Variants in MECOM observed in about 807,000 individuals in gnomAD.
MECOM encodes histone-lysine N-methyltransferase MECOM.
In MECOM, 13 loss-of-function variants were observed where a neutral mutation model predicts 116.3. The ratio of observed to expected loss-of-function variants is 0.11; its 90% CI spans 0.07 to 0.18. The LOEUF (loss-of-function observed/expected upper bound fraction) is 0.18, where lower values mean the gene tolerates loss of function less well. Ranked by LOEUF, MECOM falls within the 10% of genes least tolerant of loss-of-function variation. MECOM has a pLI of 1.00. For missense variants in MECOM, 1,299 were observed against 1,509.0 expected (o/e 0.86, Z 2.31); for synonymous variants, 528 against 535.2 (o/e 0.99, Z 0.19).
At chr3:169,504,034 G>A (rs573260717) in intron 1 of MECOM, among the ~76,000 whole-genome samples, 56 of 151,884 alleles carry the variant, frequency 3.7e-4, no homozygotes, top group African/African-American at 1.2e-3. Context: ...AATCCCACAA[G>A]TTACTAATAG....
intron 2 of MECOM, among the ~76,000 whole-genome samples, chr3:169,157,053 C>T (rs1464491579): frequency 1.3e-5 from 2 of 152,196 alleles, no homozygotes; most frequent in East Asian, 1.9e-4. Flanking sequence ...TGAATTAACT[C>T]ATCCTGAGAA....
In MECOM at chr3:169,311,144, C is replaced by T. The variant is rs369969338; in HGVS notation, c.375+70043G>A. Among the ~76,000 whole-genome samples the T allele has an allele frequency of 4.6e-5, 7 of 152,320 alleles. No individual in the cohort carries two copies. The South Asian group carries it at 1.4e-3, about 32-fold the overall frequency. On this transcript the variant is annotated intron_variant, in intron 2 of 16. Transcript: ENST00000651503. The stretch of plus-strand genomic sequence containing the variant: ...ATTGAGTTCTTGGGCATGTCTAGCA[C>T]ATCAGAGAGCTTTGAGCACCGGATA...
Position 169,585,031 on chromosome 3 carries a change from G to A in MECOM, c.37+78305C>T, listed in dbSNP as rs139544950. ...ACAGATTATCAAGCAAGATGAAATGGGAAAATGGATAGAACATAAAGAAAA... is the reference window on the plus strand; with the variant it reads ...ACAGATTATCAAGCAAGATGAAATGAGAAAATGGATAGAACATAAAGAAAA... On this transcript the variant is annotated intron_variant, in intron 1 of 16. Coordinates refer to ENST00000651503, the MANE Select transcript of MECOM (RefSeq NM_004991.4). Among the ~76,000 whole-genome samples, 838 of 152,260 alleles carry A rather than the reference G, an allele frequency of 5.5e-3. 10 individuals are homozygous for A. Among genetic ancestry groups the A allele is most frequent in the African/African-American group, 0.018 (748 of 41,536 alleles).
chr3:169,102,630 AT>A (rs1329339813), intron 10 of MECOM, among the ~76,000 whole-genome samples: 2 of 152,202 alleles, frequency 1.3e-5, no homozygotes, highest in Non-Finnish European at 2.9e-5. Context: ...TACCTAGGCA[AT>A]GAAAACCGTA....
intron 1 of MECOM, among the ~76,000 whole-genome samples, chr3:169,625,036 A>G (rs1174256935): frequency 1.0e-4 from 4 of 38,280 alleles, no homozygotes; most frequent in Admixed American, 2.3e-4. Context: ...TGTCCTTGGA[A>G]AAAAAAAAAA....
At chr3:169,566,194 C>T (rs912230432) in intron 1 of MECOM, among the ~76,000 whole-genome samples, 14 of 152,132 alleles carry the variant, frequency 9.2e-5, no homozygotes, top group African/African-American at 3.1e-4. Context: ...GCTCCTCCCT[C>T]GACAAGTAGG....
intron 2 of MECOM, among the ~76,000 whole-genome samples, chr3:169,156,922 T>G (rs1006748445): frequency 2.0e-5 from 3 of 152,218 alleles, no homozygotes; most frequent in African/African-American, 7.2e-5. Context: ...TCATGTGTTA[T>G]GCCTGCCCAT....
chr3:169,209,061 C>T (rs1750350250), intron 2 of MECOM, among the ~76,000 whole-genome samples: 1 of 152,094 alleles, frequency 6.6e-6, no homozygotes. Flanking sequence ...AACCATCTGA[C>T]TTCAACAAAC....
chr3:169,116,839 C>A (rs2149083832), intron 7 of MECOM, 100 bp from the exon 8 acceptor site: 1 of 1,436,772 alleles, frequency 7.0e-7, no homozygotes, highest in East Asian at 2.4e-5. Flanking sequence ...AATTAGGAAG[C>A]CAGTAAAAGA....
chr3:169,367,016 C>T (rs866852800), intron 2 of MECOM, among the ~76,000 whole-genome samples: 2 of 152,050 alleles, frequency 1.3e-5, no homozygotes, highest in East Asian at 3.9e-4. Flanking sequence ...GCACTGTGCC[C>T]CCAGGAAGAA....
At chr3:169,363,315 T>C (rs1400977435) in intron 2 of MECOM, among the ~76,000 whole-genome samples, 2 of 151,974 alleles carry the variant, frequency 1.3e-5, no homozygotes, top group Non-Finnish European at 2.9e-5. Context: ...AATATATGCA[T>C]TTAAGGTCAT....
chr3:169,521,473 T>C (rs1757346536), intron 1 of MECOM, among the ~76,000 whole-genome samples: 1 of 152,194 alleles, frequency 6.6e-6, no homozygotes, highest in Non-Finnish European at 1.5e-5. Context: ...ATGTACTTTT[T>C]CATTGGAGGA....
In MECOM at chr3:169,512,102, T is replaced by G. The variant is rs146725424; in HGVS notation, c.38-130578A>C. 8.9e-4 allele frequency among the ~76,000 whole-genome samples: 135 copies of G among 152,334 alleles called. 1 individual carries two copies. The highest frequency in any genetic ancestry group is 7.5e-3 in the East Asian group (39 of 5,176). ...GTGCTAGGTCCAGGTCATTTTCTTA[T>G]CTGGGTCCAGTTAGTTGCAATCTGT... On this transcript the variant is annotated intron_variant, in intron 1 of 16. Coordinates refer to ENST00000651503, the MANE Select transcript of MECOM (RefSeq NM_004991.4).
chr3:169,196,971 A>G (rs1276901797), intron 2 of MECOM, among the ~76,000 whole-genome samples: 3 of 152,094 alleles, frequency 2.0e-5, no homozygotes, highest in Non-Finnish European at 2.9e-5. Flanking sequence ...ACCATGGAAT[A>G]CTATGCAGCC....
chr3:169,366,502 G>C (rs144072020), intron 2 of MECOM, among the ~76,000 whole-genome samples: 11 of 152,078 alleles, frequency 7.2e-5, no homozygotes, highest in African/African-American at 2.4e-4. Flanking sequence ...ATGTTCATCT[G>C]TGATTAGTTT....
chr3:169,249,582 T>A (rs1756002574), intron 2 of MECOM, among the ~76,000 whole-genome samples: 1 of 152,186 alleles, frequency 6.6e-6, no homozygotes, highest in South Asian at 2.1e-4. Context: ...ACATTGATCC[T>A]TAAAAAATCT....
chr3:169,206,564 C>A (rs1367942761), intron 2 of MECOM, among the ~76,000 whole-genome samples: 1 of 151,816 alleles, frequency 6.6e-6, no homozygotes, highest in Non-Finnish European at 1.5e-5. Context: ...CCAGCCTGAC[C>A]AACATGGTGA....
intron 1 of MECOM, among the ~76,000 whole-genome samples, chr3:169,538,673 G>C (rs1470903953): frequency 6.6e-6 from 1 of 152,110 alleles, no homozygotes; most frequent in Non-Finnish European, 1.5e-5. Context: ...CAGCTACAAA[G>C]CAATGGATTT....
rs138869473 is a variant in MECOM at position 169,116,553 on chromosome 3, C to A, written c.1319G>T (p.Gly440Val). The change falls in exon 8 of 17, where the codon GGC becomes GTC. Residue 440 changes from glycine to valine, a missense_variant. Physicochemically the swap from Gly to Val is moderately radical, Grantham distance 109. This residue lies in a region of MECOM where 238 missense variants were observed against 273.1 expected (regional missense o/e 0.87). Coordinates refer to ENST00000651503, the MANE Select transcript of MECOM (RefSeq NM_004991.4). The stretch of plus-strand genomic sequence containing the variant: ...GGTTCCAGGAAGTGAAATGCCTTGG[C>A]CAAAAAATCCACCTGCCGCAAAATG... ...KNHFAAGGFF[G>V]QGISLPGTPA... 2 of 1,613,998 alleles carry A rather than the reference C, an allele frequency of 1.2e-6. No homozygotes were observed. Among genetic ancestry groups the A allele is most frequent in the African/African-American group, 1.3e-5 (1 of 74,888 alleles).
Sources: allele counts gnomAD v4.1 joint callset (sites outside exome capture counted in the v4.1 genomes callset), GRCh38; gene constraint gnomAD v4.1.1; regional missense constraint gnomAD v4.1.1; transcripts MANE v1.5; gene names NCBI Gene and HGNC (gene_info 2026-07-23, HGNC 2026-07-21).